NOL4: variants seen among roughly 807,000 people sequenced by gnomAD.
NOL4 encodes cancer/testis antigen 125.
In NOL4, 17 loss-of-function variants were observed where a neutral mutation model predicts 75.9. That is an observed-to-expected ratio of 0.22 (90% confidence interval 0.15 to 0.34). The LOEUF (loss-of-function observed/expected upper bound fraction) is 0.34. NOL4 is among the 10% of genes least tolerant of loss of function. The pLI is 1.00. For synonymous variants in NOL4, 292 were observed against 289.9 expected, an observed-to-expected ratio of 1.01 and a Z score of -0.07; for missense variants, 614 against 793.5, an observed-to-expected ratio of 0.77 and a Z score of 2.72.
chr18:33,950,264 A>G (rs2069124429), intron 8 of NOL4, among the ~76,000 whole-genome samples: 1 of 151,972 alleles, frequency 6.6e-6, no homozygotes, highest in Non-Finnish European at 1.5e-5. Flanking sequence ...TTAAAATTAA[A>G]TGTTATATAA....
At chr18:34,129,830 T>A in intron 2 of NOL4, 41 bp downstream of exon 2, 1 of 1,507,086 alleles carries the variant, frequency 6.6e-7, no homozygotes, top group Non-Finnish European at 8.9e-7. Context: ...TAATATCAAG[T>A]CTCGAAATGC....
chr18:33,913,999 G>A lies in NOL4; in HGVS notation c.1542+29066C>T, dbSNP rs186937690. ...CCAGTGTAGAGAATAAACATAGCAC[G>A]AAGTGCCTTCTCTCAGAGGTTTGTC... On this transcript the variant is annotated intron_variant, in intron 9 of 10. Transcript: ENST00000261592. 7.9e-5 allele frequency among the ~76,000 whole-genome samples: 12 copies of A among 152,242 alleles called. No individual in the cohort carries two copies. The East Asian group carries it at 2.3e-3, about 29-fold the overall frequency.
Position 33,980,341 on chromosome 18 carries a change from T to C in NOL4, c.1057-21923A>G, listed in dbSNP as rs74911768. Among the ~76,000 whole-genome samples the C allele has an allele frequency of 2.3e-3, 347 of 152,202 alleles. 4 individuals are homozygous for C. The highest frequency in any genetic ancestry group is 0.017 in the Admixed American group (267 of 15,268). ...GTCATAGAGCTGTCCTCACAAGTTG[T>C]GAGCTTTTACCTCCAAGAATTTCTA... On this transcript the variant is annotated intron_variant, in intron 6 of 10. Transcript: ENST00000261592.
At chr18:34,036,369 A>AG (rs2075897979) in intron 5 of NOL4, among the ~76,000 whole-genome samples, 2 of 151,500 alleles carry the variant, frequency 1.3e-5, no homozygotes, top group African/African-American at 2.4e-5. Context: ...ATGAAGGGAA[A>AG]AAACAACAGA....
intron 1 of NOL4, among the ~76,000 whole-genome samples, chr18:34,150,534 G>A (rs1245465496): frequency 6.6e-6 from 1 of 151,622 alleles, no homozygotes; most frequent in African/African-American, 2.4e-5. Context: ...ATATGCACGT[G>A]TGGAAAAAAG....
chr18:34,159,990 C>G (rs1444481798), intron 1 of NOL4, among the ~76,000 whole-genome samples: 1 of 152,078 alleles, frequency 6.6e-6, no homozygotes, highest in Admixed American at 6.6e-5. Context: ...GTAGGGGCAC[C>G]CGTAATGGAC....
chr18:34,199,162 T>G (rs2035555788), intron 1 of NOL4, among the ~76,000 whole-genome samples: 10 of 121,722 alleles, frequency 8.2e-5, no homozygotes, highest in Admixed American at 1.6e-4. Flanking sequence ...TTTTTTTTTT[T>G]GTATGTTTTG....
intron 9 of NOL4, among the ~76,000 whole-genome samples, chr18:33,904,689 G>A (rs1331005564): frequency 6.6e-6 from 1 of 152,106 alleles, no homozygotes; most frequent in Admixed American, 6.6e-5. Flanking sequence ...AATACTCATA[G>A]ATTCTCCTAT....
In NOL4 at chr18:33,889,220, C is replaced by T. The variant is rs995373851; in HGVS notation, c.1543-5796G>A. 2.6e-5 allele frequency among the ~76,000 whole-genome samples: 4 copies of T among 152,116 alleles called. No individual in the cohort carries two copies. The East Asian group carries it at 5.8e-4, about 22-fold the overall frequency. ...CTGATCCCACAGAAATAGAAACTAT[C>T]ATCAGAGAATACTATACACATCTCT... is the stretch of plus-strand genomic sequence containing the variant. On this transcript the variant is annotated intron_variant, in intron 9 of 10. Coordinates refer to ENST00000261592, the MANE Select transcript of NOL4 (RefSeq NM_003787.5).
At chr18:33,987,326 C>A (rs2146060864) in intron 6 of NOL4, among the ~76,000 whole-genome samples, 1 of 152,114 alleles carries the variant, frequency 6.6e-6, no homozygotes, top group Non-Finnish European at 1.5e-5. Context: ...GAAAGCTTCA[C>A]AGAAGCATGC....
At chr18:34,071,434 G>GAC (rs879681812) in intron 5 of NOL4, among the ~76,000 whole-genome samples, 109 of 66,590 alleles carry the variant, frequency 1.6e-3, no homozygotes, top group East Asian at 0.011. Flanking sequence ...CAGACAGACA[G>GAC]ACAGACACAC....
At chr18:34,115,191 A>C (rs968597149) in intron 2 of NOL4, among the ~76,000 whole-genome samples, 4 of 152,134 alleles carry the variant, frequency 2.6e-5, no homozygotes, top group Non-Finnish European at 5.9e-5. Flanking sequence ...CCCAGTAAGC[A>C]CTGTGGGCCC....
intron 1 of NOL4, among the ~76,000 whole-genome samples, chr18:34,167,747 A>C (rs2032564357): frequency 6.6e-6 from 1 of 152,074 alleles, no homozygotes; most frequent in Non-Finnish European, 1.5e-5. Context: ...GGCCTATCTG[A>C]GAGCAATTTC....
chr18:33,952,369 T>C (rs1470225128), intron 8 of NOL4, among the ~76,000 whole-genome samples: 1 of 152,076 alleles, frequency 6.6e-6, no homozygotes, highest in African/African-American at 2.4e-5. Context: ...AGACAACCCA[T>C]TGAAAGAAGG....
chr18:33,852,723 T>G lies in NOL4; in HGVS notation c.*119A>C. On this transcript the variant is annotated 3_prime_UTR_variant, in exon 11 of 11. Transcript: ENST00000261592. ...ACGGATCAAGGACAATGTGGCATAA[T>G]GGAAGTATTTCTCTTAAAAGACTGT... 1.2e-6 allele frequency: 1 copy of G among 849,848 alleles called. No homozygotes were observed. The allele number at this position is 849,848 out of a possible 1,614,324, so 52.6% of individuals were successfully genotyped here.
chr18:34,065,606 C>A (rs1240859475), intron 5 of NOL4, among the ~76,000 whole-genome samples: 2 of 151,756 alleles, frequency 1.3e-5, no homozygotes, highest in African/African-American at 4.8e-5. Flanking sequence ...CCCCACCCCA[C>A]ACAAAACATT....
At chr18:34,215,020 A>G (rs1568457968) in intron 1 of NOL4, among the ~76,000 whole-genome samples, 1 of 152,194 alleles carries the variant, frequency 6.6e-6, no homozygotes, top group Non-Finnish European at 1.5e-5. Context: ...GAGAAAGGAA[A>G]AAGGGGAACT....
At chr18:34,129,814 G>A in intron 2 of NOL4, 57 bp downstream of exon 2, 1 of 1,453,112 alleles carries the variant, frequency 6.9e-7, no homozygotes. Context: ...TTTAAACAAG[G>A]ATACATAATA....
chr18:34,147,412 G>A (rs2081448249), intron 1 of NOL4, among the ~76,000 whole-genome samples: 1 of 152,144 alleles, frequency 6.6e-6, no homozygotes, highest in Non-Finnish European at 1.5e-5. Context: ...TTTATTGAGA[G>A]TTTTTAGCAT....
Sources: gnomAD v4.1 joint callset for allele counts (sites outside exome capture counted in the v4.1 genomes callset) on GRCh38, gnomAD v4.1.1 for gene constraint, MANE v1.5 for transcripts, NCBI Gene and HGNC (gene_info 2026-07-23, HGNC 2026-07-21) for gene names.